AADAT: variants seen among roughly 807,000 people sequenced by gnomAD.
The protein encoded by AADAT is kynurenine/alpha-aminoadipate aminotransferase, mitochondrial.
Under a neutral mutation model 56.2 loss-of-function variants are expected in AADAT, and 25 were observed. That is an observed-to-expected ratio of 0.44 (90% CI 0.32 to 0.62). The LOEUF is 0.62. Ranked by LOEUF, AADAT falls within the 20% of genes least tolerant of loss-of-function variation. The pLI, the probability that AADAT is intolerant of heterozygous loss-of-function variation, is 0.04. For missense variants in AADAT, 387 were observed against 510.5 expected (o/e 0.76, Z 2.33); for synonymous variants, 173 against 164.7 (o/e 1.05, Z -0.39).
At chr4:170,072,208 T>G (rs1463994467) in intron 5 of AADAT, among the ~76,000 whole-genome samples, 1 of 152,016 alleles carries the variant, frequency 6.6e-6, no homozygotes, top group Non-Finnish European at 1.5e-5. Flanking sequence ...CATAAGAACA[T>G]GACTGTGTGT....
rs538653557 is a variant in AADAT, at chr4:170,072,852, A to C, written c.654+284T>G. On this transcript the variant is annotated intron_variant, in intron 5 of 12. Coordinates refer to ENST00000337664, the MANE Select transcript of AADAT (RefSeq NM_016228.4). Reference sequence around the variant, plus strand: ...AATAATGGAAATCAAACTTGGGATAAAATATTAAATAATCTCAAAAAATTT... The same window carrying C: ...AATAATGGAAATCAAACTTGGGATACAATATTAAATAATCTCAAAAAATTT... Among the ~76,000 whole-genome samples, 12 of 152,276 alleles carry C rather than the reference A, an allele frequency of 7.9e-5. No homozygotes were observed. In the South Asian group the frequency reaches 2.5e-3, roughly 32 times the overall value.
At chr4:170,067,156 G>A (rs1483775295) in intron 9 of AADAT, among the ~76,000 whole-genome samples, 171 bp downstream of exon 9, 1 of 152,190 alleles carries the variant, frequency 6.6e-6, no homozygotes, top group Non-Finnish European at 1.5e-5. Flanking sequence ...GACTTGCTAG[G>A]TGAAGAACTA....
chr4:170,081,545 T>C (rs771702389), intron 3 of AADAT, among the ~76,000 whole-genome samples: 3 of 152,070 alleles, frequency 2.0e-5, no homozygotes, highest in Non-Finnish European at 4.4e-5. Flanking sequence ...AAAGAGAAGA[T>C]ATGAGAAGCA....
chr4:170,077,715 T>C (rs1403566443), intron 4 of AADAT, among the ~76,000 whole-genome samples: 1 of 152,218 alleles, frequency 6.6e-6, no homozygotes, highest in Non-Finnish European at 1.5e-5. Context: ...AGCAAGTTCT[T>C]ATACAGAGCT....
At chr4:170,085,034 T>C (rs1432060076) in intron 3 of AADAT, among the ~76,000 whole-genome samples, 1 of 152,220 alleles carries the variant, frequency 6.6e-6, no homozygotes, top group African/African-American at 2.4e-5. Flanking sequence ...AAGACCTATA[T>C]GATGATCCAC....
At chr4:170,072,684 ATGTTTATAG>A (rs912504778) in intron 5 of AADAT, among the ~76,000 whole-genome samples, 1 of 152,216 alleles carries the variant, frequency 6.6e-6, no homozygotes, top group African/African-American at 2.4e-5. Flanking sequence ...ACTTAAAAAA[ATGTTTATAG>A]TGAAAAGCTA....
In AADAT at chr4:170,064,711, A is replaced by T; in HGVS notation, c.1134+8T>A. On this transcript the variant is annotated splice_region_variant and intron_variant, in intron 11 of 12. Transcript: ENST00000337664. The stretch of plus-strand genomic sequence containing the variant: ...TAGGTTTCCCAGCCCTTCACCTCCC[A>T]GTTTTACCCCCATCTTAACGGCCTT... 1 of 1,570,514 alleles carries T rather than the reference A, an allele frequency of 6.4e-7. No individual in the cohort carries two copies. Among genetic ancestry groups the T allele is most frequent in the South Asian group, 1.2e-5 (1 of 85,716 alleles).
chr4:170,093,600 T>C (rs1732931888), upstream of AADAT, among the ~76,000 whole-genome samples: 1 of 152,302 alleles, frequency 6.6e-6, no homozygotes, highest in East Asian at 1.9e-4. Context: ...TTATTTTATT[T>C]TGAGAGGCAG....
intron 11 of AADAT, among the ~76,000 whole-genome samples, chr4:170,064,405 G>A (rs897333430): frequency 6.6e-6 from 1 of 152,130 alleles, no homozygotes; most frequent in African/African-American, 2.4e-5. Context: ...CCTATTCAAG[G>A]CCACACATCC....
Position 170,070,599 on chromosome 4 carries a change from G to A in AADAT, c.708C>T (p.Leu236=). 3 of 1,582,914 alleles carry A rather than the reference G, an allele frequency of 1.9e-6. No individual in the cohort carries two copies. The South Asian group carries it at 3.4e-5, about 18-fold the overall frequency. ...CATAATCACTTACCTTGTTAAACTG[G>A]AGAAAATAGTAAGGATCATCTTCTA... The part of the protein sequence containing the change: ...LIIEDDPYYF[L]QFNKFRVPTF... The change falls in exon 6 of 13, where the codon CTC becomes CTT. Residue 236 remains leucine, a synonymous_variant. Coordinates refer to ENST00000337664, the MANE Select transcript of AADAT (RefSeq NM_016228.4).
At chr4:170,089,472 A>G in intron 1 of AADAT, 152 bp downstream of exon 1, 1 of 817,284 alleles carries the variant, frequency 1.2e-6, no homozygotes. Context: ...GGCTGTGTCT[A>G]TTTCATTTCT....
intron 12 of AADAT, 62 bp downstream of exon 12, chr4:170,061,830 C>CACGT: frequency 8.4e-7 from 1 of 1,185,432 alleles, no homozygotes; most frequent in Non-Finnish European, 1.2e-6. Context: ...ACAAAGTATA[C>CACGT]ACGTGCATTA....
At chr4:170,077,499 AT>A (rs755430026) in intron 4 of AADAT, among the ~76,000 whole-genome samples, 37 of 152,298 alleles carry the variant, frequency 2.4e-4, no homozygotes, top group Non-Finnish European at 4.9e-4. Flanking sequence ...GTTGATTTTC[AT>A]AAAAATAAAA....
chr4:170,073,422 A>G lies in AADAT; in HGVS notation c.445-77T>C, dbSNP rs1462693333. On this transcript the variant is annotated intron_variant, in intron 4 of 12. Coordinates refer to ENST00000337664, the MANE Select transcript of AADAT (RefSeq NM_016228.4). The stretch of plus-strand genomic sequence containing the variant: ...CTATTGGTTTTTTTTTTTTCTTTCT[A>G]ACTAAGAACTTGCTCATTCATACCC... 1.2e-5 allele frequency: 15 copies of G among 1,286,044 alleles called. No homozygotes were observed. The Admixed American group carries it at 2.9e-4, about 25-fold the overall frequency. 79.7% of individuals were successfully genotyped at this position (1,286,044 alleles called of 1,614,324 possible).
chr4:170,093,393 G>A (rs1050364855), upstream of AADAT, among the ~76,000 whole-genome samples: 8 of 152,072 alleles, frequency 5.3e-5, no homozygotes, highest in African/African-American at 7.2e-5. Flanking sequence ...CCGAGATCAC[G>A]CCACTGCACT....
At position 170,077,174 on chromosome 4, in the gene AADAT, T is replaced by C. The variant is rs903895551; in HGVS notation, c.444+1335A>G. Among the ~76,000 whole-genome samples the C allele has an allele frequency of 2.0e-5, 3 of 152,222 alleles. No homozygotes were observed. The South Asian group carries it at 6.2e-4, about 31-fold the overall frequency. On this transcript the variant is annotated intron_variant, in intron 4 of 12. Transcript: ENST00000337664. ...CTTTTTCAAGATTATTTTGGCTATT[T>C]AGGTCCTTTAAACTCACATCAATTT...
At chr4:170,066,654 G>A (rs1561012128) in intron 9 of AADAT, among the ~76,000 whole-genome samples, 176 bp from the exon 10 acceptor site, 1 of 152,184 alleles carries the variant, frequency 6.6e-6, no homozygotes, top group Non-Finnish European at 1.5e-5. Flanking sequence ...TTTAACTGCT[G>A]TGTTTTTTCC....
In AADAT at chr4:170,089,870, G is replaced by A; in HGVS notation, c.-180C>T. On this transcript the variant is annotated 5_prime_UTR_variant, in exon 1 of 13. Transcript: ENST00000337664. ...CCGGAGAACGCCGCCGAAACTCCCCGGCTGGACGCTGCGTTCGGTCTCCCG... is the reference window on the plus strand; with the variant it reads ...CCGGAGAACGCCGCCGAAACTCCCCAGCTGGACGCTGCGTTCGGTCTCCCG... 3 of 628,464 alleles carry A rather than the reference G, an allele frequency of 4.8e-6. No homozygotes were observed. The highest frequency in any genetic ancestry group is 8.5e-6 in the Non-Finnish European group (3 of 355,014). 38.9% of individuals were successfully genotyped at this position (628,464 alleles called of 1,614,324 possible). A position where few individuals can be genotyped will look rare whatever the true frequency, so the allele number is the denominator to read the frequency against.
At chr4:170,076,124 G>C (rs1213967299) in intron 4 of AADAT, among the ~76,000 whole-genome samples, 2 of 152,030 alleles carry the variant, frequency 1.3e-5, no homozygotes, top group African/African-American at 2.4e-5. Flanking sequence ...TGGAATTGTG[G>C]GTCACATGGT....
Sources: gnomAD v4.1 joint callset for allele counts (sites outside exome capture counted in the v4.1 genomes callset) on GRCh38, gnomAD v4.1.1 for gene constraint, MANE v1.5 for transcripts, NCBI Gene and HGNC (gene_info 2026-07-23, HGNC 2026-07-21) for gene names.